Variants in GPR176 observed in about 807,000 individuals in gnomAD.
The protein encoded by GPR176 is G-protein coupled receptor 176.
In GPR176, 26 loss-of-function variants were observed where a neutral mutation model predicts 35.4. The observed-to-expected ratio is 0.74, with a 90% CI of 0.54 to 1.02. The LOEUF is 1.02. Ranked by LOEUF, GPR176 falls within the 50% of genes least tolerant of loss-of-function variation. The pLI, the probability that GPR176 is intolerant of heterozygous loss-of-function variation, is 0.00. For missense variants in GPR176, 597 were observed against 665.3 expected (o/e 0.90, Z 1.13); for synonymous variants, 278 against 271.3 (o/e 1.02, Z -0.24).
Position 39,801,426 on chromosome 15 carries a change from A to C in GPR176, c.1254T>G (p.Phe418Leu). The change falls in exon 3 of 3, where the codon TTT (phenylalanine) becomes TTG (leucine). Residue 418 changes from phenylalanine (F) to leucine (L), a missense_variant. Around this residue, in one of 3 missense-constraint regions of GPR176, gnomAD observed 251 missense variants for 255.4 expected, o/e 0.98. Transcript: ENST00000561100. ...TGCTCAGGGGTGGGGCAGAGGGCGC[A>C]AACTGTGGCCCCTGCTCTCCCTCCA... Reference protein sequence around the residue: ...TCLEGEQGPQFAPSAPPLSTV... With the variant: ...TCLEGEQGPQLAPSAPPLSTV... 6.2e-7 allele frequency: 1 copy of C among 1,614,188 alleles called. No individual in the cohort carries two copies. The highest frequency in any genetic ancestry group is 8.5e-7 in the Non-Finnish European group (1 of 1,180,022).
chr15:39,873,482 T>C (rs1171053754), intron 1 of GPR176, among the ~76,000 whole-genome samples: 1 of 152,142 alleles, frequency 6.6e-6, no homozygotes, highest in Non-Finnish European at 1.5e-5. Context: ...CAGGCCAAGA[T>C]GACAGCATAG....
At chr15:39,829,108 G>T (rs1040770587) in intron 1 of GPR176, 3 of 1,296,714 alleles carry the variant, frequency 2.3e-6, no homozygotes, top group African/African-American at 2.9e-5. Context: ...AGAAGCAGTG[G>T]AGCTGGCATT....
chr15:39,805,205 C>A (rs1205124232), intron 2 of GPR176, among the ~76,000 whole-genome samples: 1 of 152,094 alleles, frequency 6.6e-6, no homozygotes, highest in Non-Finnish European at 1.5e-5. Flanking sequence ...ACATAAAATG[C>A]ATTAGTGTAC....
chr15:39,858,533 T>G (rs2031392434), intron 1 of GPR176, among the ~76,000 whole-genome samples: 1 of 151,948 alleles, frequency 6.6e-6, no homozygotes. Flanking sequence ...CTGGGCAACA[T>G]GATGAGACTT....
chr15:39,877,082 G>T (rs1266769019), intron 1 of GPR176, among the ~76,000 whole-genome samples: 2 of 152,054 alleles, frequency 1.3e-5, no homozygotes, highest in African/African-American at 4.8e-5. Context: ...GCAATTAAAA[G>T]TCTCATAAGA....
intron 1 of GPR176, among the ~76,000 whole-genome samples, chr15:39,876,776 C>G (rs553802943): frequency 8.7e-4 from 132 of 151,622 alleles, no homozygotes; most frequent in African/African-American, 3.1e-3. Flanking sequence ...TTGCAGTGAG[C>G]TGAGATCCCA....
intron 1 of GPR176, among the ~76,000 whole-genome samples, chr15:39,890,448 G>A (rs531688197): frequency 6.6e-6 from 1 of 151,998 alleles, no homozygotes; most frequent in Non-Finnish European, 1.5e-5. Flanking sequence ...CAAAACAGAG[G>A]TGAATGGAAG....
At chr15:39,840,814 G>A (rs2029913818) in intron 1 of GPR176, among the ~76,000 whole-genome samples, 1 of 152,100 alleles carries the variant, frequency 6.6e-6, no homozygotes, top group Non-Finnish European at 1.5e-5. Context: ...GAGGAAGTTG[G>A]AAGGGCAATC....
At chr15:39,850,697 A>G (rs2030802339) in intron 1 of GPR176, among the ~76,000 whole-genome samples, 1 of 152,146 alleles carries the variant, frequency 6.6e-6, no homozygotes, top group South Asian at 2.1e-4. Flanking sequence ...TACTACAATA[A>G]TGCAAAATGT....
At chr15:39,887,064 T>C (rs2032700755) in intron 1 of GPR176, among the ~76,000 whole-genome samples, 1 of 152,216 alleles carries the variant, frequency 6.6e-6, no homozygotes, top group South Asian at 2.1e-4. Context: ...ATGAATTACC[T>C]GAGAAACATA....
At chr15:39,892,168 G>A (rs2032897837) in intron 1 of GPR176, among the ~76,000 whole-genome samples, 1 of 152,202 alleles carries the variant, frequency 6.6e-6, no homozygotes, top group Non-Finnish European at 1.5e-5. Flanking sequence ...CTTAGATGAA[G>A]AAAGGAGGCC....
intron 1 of GPR176, among the ~76,000 whole-genome samples, chr15:39,878,096 C>CTGTG (rs58251937): frequency 0.086 from 11,239 of 129,940 alleles, 834 homozygotes; most frequent in South Asian, 0.2. Context: ...CCATAGTTAC[C>CTGTG]TGTGTGTGTG....
At chr15:39,879,441 G>T (rs1004216556) in intron 1 of GPR176, among the ~76,000 whole-genome samples, 1 of 152,118 alleles carries the variant, frequency 6.6e-6, no homozygotes, top group African/African-American at 2.4e-5. Flanking sequence ...CATCCCAAAG[G>T]TCTATTGAAA....
chr15:39,901,944 C>T (rs537040852), intron 1 of GPR176, among the ~76,000 whole-genome samples: 3 of 151,148 alleles, frequency 2.0e-5, no homozygotes, highest in Non-Finnish European at 4.4e-5. Context: ...ATTAGCCAGA[C>T]GTGGTGGTGC....
intron 1 of GPR176, among the ~76,000 whole-genome samples, chr15:39,918,664 A>AACAC (rs370386441): frequency 3.4e-4 from 51 of 150,394 alleles, no homozygotes; most frequent in African/African-American, 1.1e-3. Context: ...CACATCTTAA[A>AACAC]ACACACACAC....
intron 1 of GPR176, among the ~76,000 whole-genome samples, chr15:39,893,413 G>A (rs943608906): frequency 1.3e-5 from 2 of 152,064 alleles, no homozygotes; most frequent in African/African-American, 4.8e-5. Flanking sequence ...AGAGCACAGG[G>A]TTGGGGGTAA....
chr15:39,894,816 G>A lies in GPR176; in HGVS notation c.172+25039C>T, dbSNP rs1013215832. ...AGACGCTCCTCACTTCCCAGACGGG[G>A]TGGTGGCCGGGCAGAGGCTGCAATC... On this transcript the variant is annotated intron_variant, in intron 1 of 2. Coordinates refer to ENST00000561100, the MANE Select transcript of GPR176 (RefSeq NM_007223.3). 3.9e-5 allele frequency among the ~76,000 whole-genome samples: 6 copies of A among 152,214 alleles called. No individual in the cohort carries two copies. The East Asian group carries it at 1.2e-3, about 29-fold the overall frequency.
intron 1 of GPR176, among the ~76,000 whole-genome samples, chr15:39,825,777 C>T (rs1900598835): frequency 6.6e-6 from 1 of 152,220 alleles, no homozygotes; most frequent in Non-Finnish European, 1.5e-5. Flanking sequence ...TCACATCTCA[C>T]TGATTTTTGC....
At chr15:39,846,171 T>C (rs191183423) in intron 1 of GPR176, among the ~76,000 whole-genome samples, 7 of 152,318 alleles carry the variant, frequency 4.6e-5, no homozygotes, top group East Asian at 1.9e-4. Flanking sequence ...CTGGGCATTA[T>C]ATACAACAAA....
Sources: allele counts gnomAD v4.1 joint callset (sites outside exome capture counted in the v4.1 genomes callset), GRCh38; gene constraint gnomAD v4.1.1; regional missense constraint gnomAD v4.1.1; transcripts MANE v1.5; gene names NCBI Gene and HGNC (gene_info 2026-07-23, HGNC 2026-07-21).